CSMD1: variants seen among roughly 807,000 people sequenced by gnomAD.
CSMD1 encodes the protein CUB and Sushi multiple domains 1.
In CSMD1, 213 loss-of-function variants were observed where a neutral mutation model predicts 417.5. The ratio of observed to expected loss-of-function variants is 0.51; its 90% CI spans 0.46 to 0.57. CSMD1 has a LOEUF of 0.57. Ranked by LOEUF, CSMD1 falls within the 20% of genes least tolerant of loss-of-function variation. CSMD1 has a pLI of 0.00. For missense variants in CSMD1, 6,923 were observed against 4,529.7 expected, an observed-to-expected ratio of 1.53 and a Z score of -15.17; for synonymous variants, 2,862 against 1,736.8, an observed-to-expected ratio of 1.65 and a Z score of -16.11.
At chr8:4,570,579 A>G (rs746757297) in intron 2 of CSMD1, among the ~76,000 whole-genome samples, 15 of 152,200 alleles carry the variant, frequency 9.9e-5, no homozygotes, top group Non-Finnish European at 1.6e-4. Flanking sequence ...CATCGGGCAT[A>G]TTAGGCCTAT....
In CSMD1 at chr8:4,131,557, T is replaced by C. The variant is rs1474835436; in HGVS notation, c.416-99458A>G. 2.6e-5 allele frequency among the ~76,000 whole-genome samples: 4 copies of C among 152,146 alleles called. No individual in the cohort carries two copies. In the East Asian group the frequency reaches 7.7e-4, roughly 29 times the overall value. On this transcript the variant is annotated intron_variant, in intron 3 of 69. Transcript: ENST00000635120. ...GCATTTTGTCTTTAACTGTAGAAAA[T>C]ATTTTTCTCATATATTGATAAACTG...
intron 1 of CSMD1, among the ~76,000 whole-genome samples, chr8:4,691,170 G>C (rs1037628288): frequency 1.3e-5 from 2 of 152,224 alleles, no homozygotes; most frequent in Non-Finnish European, 2.9e-5. Context: ...AGGAATCAAA[G>C]AATGTTACCC....
chr8:2,977,406 T>C (rs966742140), intron 55 of CSMD1, among the ~76,000 whole-genome samples: 1 of 152,214 alleles, frequency 6.6e-6, no homozygotes, highest in Non-Finnish European at 1.5e-5. Context: ...CCAAGCTCCA[T>C]CCATGTCTCT....
intron 10 of CSMD1, among the ~76,000 whole-genome samples, chr8:3,520,020 C>CTATATATA (rs33939239): frequency 1.5e-5 from 2 of 137,584 alleles, no homozygotes; most frequent in African/African-American, 5.9e-5. Flanking sequence ...GTGTATATAC[C>CTATATATA]TATATATATA....
rs560253335 is a variant in CSMD1, at chr8:3,236,169, C to T, written c.4154-5938G>A. 3.7e-4 allele frequency among the ~76,000 whole-genome samples: 57 copies of T among 152,100 alleles called. 2 individuals carry two copies. The South Asian group carries it at 6.0e-3, about 16-fold the overall frequency. ...TCTTAACCTTGTGATCTGCCTGCCT[C>T]GGACTCCGAAAGTGCTGGGAATACA... On this transcript the variant is annotated intron_variant, in intron 26 of 69. Coordinates refer to ENST00000635120, the MANE Select transcript of CSMD1 (RefSeq NM_033225.6).
chr8:4,297,344 A>G (rs139671502), intron 3 of CSMD1, among the ~76,000 whole-genome samples: 56 of 152,258 alleles, frequency 3.7e-4, no homozygotes, highest in African/African-American at 1.3e-3. Flanking sequence ...CTAAAAAAAC[A>G]AAACAAAACA....
intron 3 of CSMD1, among the ~76,000 whole-genome samples, chr8:4,058,282 T>C (rs1365098243): frequency 6.6e-6 from 1 of 152,112 alleles, no homozygotes; most frequent in Non-Finnish European, 1.5e-5. Flanking sequence ...AGGTATTTTA[T>C]TCTCTTTGAA....
At chr8:3,731,820 C>G (rs1173255718) in intron 6 of CSMD1, among the ~76,000 whole-genome samples, 1 of 152,116 alleles carries the variant, frequency 6.6e-6, no homozygotes, top group East Asian at 1.9e-4. Flanking sequence ...TTCATTTACT[C>G]CTCACCACCC....
chr8:3,680,148 A>T (rs1454158826), intron 7 of CSMD1, among the ~76,000 whole-genome samples: 1 of 152,160 alleles, frequency 6.6e-6, no homozygotes, highest in Non-Finnish European at 1.5e-5. Context: ...GAGCAAACAC[A>T]TTCAAAAACT....
chr8:4,897,860 G>C (rs1045867956), intron 1 of CSMD1, among the ~76,000 whole-genome samples: 3 of 152,128 alleles, frequency 2.0e-5, no homozygotes, highest in Non-Finnish European at 2.9e-5. Context: ...AGGCAATCTA[G>C]ATTTTGTAGT....
At chr8:4,148,489 G>A (rs1193836342) in intron 3 of CSMD1, among the ~76,000 whole-genome samples, 2 of 151,816 alleles carry the variant, frequency 1.3e-5, no homozygotes, top group Non-Finnish European at 2.9e-5. Flanking sequence ...TGCACATTGT[G>A]CACATGTACC....
At chr8:3,131,057 C>G (rs138943538) in intron 41 of CSMD1, among the ~76,000 whole-genome samples, 54 of 152,290 alleles carry the variant, frequency 3.5e-4, no homozygotes, top group Non-Finnish European at 7.4e-4. Flanking sequence ...CTTTGGCATT[C>G]TGGGAAGTCT....
intron 5 of CSMD1, among the ~76,000 whole-genome samples, chr8:3,863,079 G>A (rs1804829265): frequency 6.6e-6 from 1 of 152,136 alleles, no homozygotes; most frequent in Non-Finnish European, 1.5e-5. Flanking sequence ...GGAAGGAGAG[G>A]CAAGAGAGAT....
intron 3 of CSMD1, among the ~76,000 whole-genome samples, chr8:4,036,037 T>C (rs914279416): frequency 6.6e-6 from 1 of 152,200 alleles, no homozygotes; most frequent in African/African-American, 2.4e-5. Flanking sequence ...GAGACACATA[T>C]ACTGACCATT....
At chr8:4,955,063 T>C (rs774326368) in intron 1 of CSMD1, among the ~76,000 whole-genome samples, 1 of 152,156 alleles carries the variant, frequency 6.6e-6, no homozygotes, top group Non-Finnish European at 1.5e-5. Context: ...TGTCAGTGGC[T>C]CTCAAAATAG....
At chr8:4,952,488 G>C (rs934102375) in intron 1 of CSMD1, among the ~76,000 whole-genome samples, 1 of 151,796 alleles carries the variant, frequency 6.6e-6, no homozygotes, top group Admixed American at 6.6e-5. Context: ...AATATTTAAG[G>C]ACATAAAAGT....
chr8:4,755,128 C>T lies in CSMD1; in HGVS notation c.86-117570G>A, dbSNP rs567742590. Among the ~76,000 whole-genome samples, 21 of 152,280 alleles carry T rather than the reference C, an allele frequency of 1.4e-4. No individual in the cohort carries two copies. The East Asian group carries it at 4.1e-3, about 29-fold the overall frequency. ...ACTCCAGCCTGGTGACAGAGGGACA[C>T]TGTCTCAAATAAATAATTAAATAAA... On this transcript the variant is annotated intron_variant, in intron 1 of 69. Transcript: ENST00000635120.
At position 4,420,057 on chromosome 8, in the gene CSMD1, C is replaced by T; in HGVS notation, c.311G>A (p.Gly104Glu). 6.4e-7 allele frequency: 1 copy of T among 1,559,650 alleles called. No individual in the cohort carries two copies. Among genetic ancestry groups the T allele is most frequent in the Non-Finnish European group, 8.7e-7 (1 of 1,149,734 alleles). ...QQGNLKVRLS[G>E]FQLPSSIVST... ...CACTATAGAGGAGGGCAGCTGAAATCCCGATAATCTAAATTTAAAAGACAA... is the reference window on the plus strand; with the variant it reads ...CACTATAGAGGAGGGCAGCTGAAATTCCGATAATCTAAATTTAAAAGACAA... Residue 104 changes from glycine (G) to glutamate (E), a missense_variant, in exon 3 of 70, where the codon GGA (glycine) becomes GAA (glutamate). Physicochemically the swap from Gly to Glu is moderately conservative, Grantham distance 98. Transcript: ENST00000635120.
intron 5 of CSMD1, among the ~76,000 whole-genome samples, chr8:3,886,876 C>G (rs1191132281): frequency 6.6e-6 from 1 of 152,190 alleles, no homozygotes; most frequent in Non-Finnish European, 1.5e-5. Context: ...ACTATACTGG[C>G]TCTCGCATGG....
Sources: gnomAD v4.1 joint callset for allele counts (sites outside exome capture counted in the v4.1 genomes callset) on GRCh38, gnomAD v4.1.1 for gene constraint, MANE v1.5 for transcripts, NCBI Gene and HGNC (gene_info 2026-07-23, HGNC 2026-07-21) for gene names.